Variants in LRP5 observed in about 807,000 individuals in gnomAD.
The protein encoded by LRP5 is low-density lipoprotein receptor-related protein 5.
In LRP5, 62 loss-of-function variants were observed where a neutral mutation model predicts 154.1. That is an observed-to-expected ratio of 0.40 (90% confidence interval 0.33 to 0.50). The LOEUF (loss-of-function observed/expected upper bound fraction) is 0.50, where lower values mean the gene tolerates loss of function less well. Among genes scored for constraint, LRP5 ranks in the 20% least tolerant of loss-of-function variants. The pLI is 0.55. For missense variants in LRP5, 1,915 were observed against 2,336.7 expected (o/e 0.82, Z 3.72); for synonymous variants, 966 against 1,011.5 (o/e 0.96, Z 0.85).
At chr11:68,321,389 A>G (rs1396977381) in intron 1 of LRP5, among the ~76,000 whole-genome samples, 1 of 152,162 alleles carries the variant, frequency 6.6e-6, no homozygotes, top group Non-Finnish European at 1.5e-5. Context: ...TTTTGTGGTG[A>G]ACTTCAGAGC....
At chr11:68,343,126 T>G (rs1350153786) in intron 1 of LRP5, among the ~76,000 whole-genome samples, 3 of 152,246 alleles carry the variant, frequency 2.0e-5, no homozygotes, top group Non-Finnish European at 4.4e-5. Context: ...GGCCAGCGTC[T>G]GCCTGGTGAG....
At chr11:68,358,573 C>T (rs80280044) in intron 3 of LRP5, among the ~76,000 whole-genome samples, 5,028 of 152,286 alleles carry the variant, frequency 0.033, 308 homozygotes, top group African/African-American at 0.12. Context: ...TATCCCAGCT[C>T]AGGCATCCTG....
chr11:68,372,798 A>G (rs1373215546), intron 5 of LRP5, among the ~76,000 whole-genome samples: 1 of 151,678 alleles, frequency 6.6e-6, no homozygotes, highest in East Asian at 1.9e-4. Context: ...GTGAAGGGGC[A>G]GTGGGGAGCA....
chr11:68,350,047 C>T lies in LRP5; in HGVS notation c.488+1804C>T, dbSNP rs568877330. On this transcript the variant is annotated intron_variant, in intron 2 of 22. Transcript: ENST00000294304. ...CACCACAGTCTCTCAGCACTCCCAG[C>T]CTGGACCTCACCGGTTGAGGGGCCG... Among the ~76,000 whole-genome samples the T allele has an allele frequency of 2.6e-5, 4 of 152,300 alleles. No homozygotes were observed. The East Asian group carries it at 7.7e-4, about 29-fold the overall frequency.
At chr11:68,351,604 C>T (rs1251459808) in intron 2 of LRP5, among the ~76,000 whole-genome samples, 1 of 152,188 alleles carries the variant, frequency 6.6e-6, no homozygotes, top group Non-Finnish European at 1.5e-5. Flanking sequence ...TCCCTCCCAG[C>T]GTGGGTCGCT....
intron 5 of LRP5, among the ~76,000 whole-genome samples, chr11:68,366,455 C>T (rs1812820211): frequency 2.6e-5 from 4 of 152,094 alleles, no homozygotes; most frequent in Admixed American, 2.0e-4. Context: ...GCTGTCTGAG[C>T]ACATGGGGGT....
Position 68,348,094 on chromosome 11 carries a change from C to G in LRP5, c.339C>G (p.Leu113=). The change falls in exon 2 of 23, where the codon CTC becomes CTG. Residue 113 remains leucine (L), a synonymous_variant. Transcript: ENST00000294304. ...VISGLVSPDG[L]ACDWVGKKLY... ...CCGGCCTGGTCTCTCCCGACGGCCT[C>G]GCCTGCGACTGGGTGGGCAAGAAGC... 15 of 1,614,128 alleles carry G rather than the reference C, an allele frequency of 9.3e-6. No homozygotes were observed. Among genetic ancestry groups the G allele is most frequent in the Non-Finnish European group, 1.2e-5 (14 of 1,180,040 alleles).
the LRP5 span, among the ~76,000 whole-genome samples, chr11:68,300,359 T>C: frequency 3.3e-5 from 5 of 149,382 alleles, no homozygotes; most frequent in Non-Finnish European, 7.5e-5. Flanking sequence ...ACTTCCTCGC[T>C]GCATGACCCT....
At chr11:68,407,231 T>A (rs1209397689) in intron 9 of LRP5, among the ~76,000 whole-genome samples, 3 of 151,402 alleles carry the variant, frequency 2.0e-5, no homozygotes. Flanking sequence ...TACCGTAGCG[T>A]GAGCTCAGCT....
chr11:68,397,174 C>T (rs1258374969), intron 7 of LRP5, among the ~76,000 whole-genome samples: 1 of 152,158 alleles, frequency 6.6e-6, no homozygotes, highest in Non-Finnish European at 1.5e-5. Context: ...TCTTGCCTCC[C>T]CGCCCACCTG....
intron 9 of LRP5, among the ~76,000 whole-genome samples, chr11:68,409,073 A>AAAAAT (rs2098657548): frequency 2.3e-5 from 1 of 44,180 alleles, no homozygotes; most frequent in African/African-American, 1.3e-4. Flanking sequence ...AAAAAAAAAA[A>AAAAAT]ATATATATAT....
chr11:68,304,287 T>C, the LRP5 span, among the ~76,000 whole-genome samples: 2 of 152,242 alleles, frequency 1.3e-5, no homozygotes, highest in Non-Finnish European at 2.9e-5. Flanking sequence ...AGGCTGCTGC[T>C]TCAGAGGGTT....
intron 21 of LRP5, chr11:68,445,552 T>C (rs1333056799): frequency 5.4e-5 from 70 of 1,287,768 alleles, no homozygotes; most frequent in Non-Finnish European, 7.0e-5. Context: ...AACTGACAGT[T>C]CTGTTCCCAT....
chr11:68,307,105 C>A, the LRP5 span, among the ~76,000 whole-genome samples: 1 of 152,162 alleles, frequency 6.6e-6, no homozygotes, highest in Non-Finnish European at 1.5e-5. Context: ...TTGCTTGAAC[C>A]CGGGAGGTGG....
At chr11:68,354,914 C>T (rs940928083) in intron 2 of LRP5, among the ~76,000 whole-genome samples, 3 of 152,240 alleles carry the variant, frequency 2.0e-5, no homozygotes, top group African/African-American at 7.2e-5. Flanking sequence ...ACCCCTCTTA[C>T]CCTGTCCCCA....
At chr11:68,352,342 G>C (rs1425745583) in intron 2 of LRP5, among the ~76,000 whole-genome samples, 1 of 152,218 alleles carries the variant, frequency 6.6e-6, no homozygotes. Context: ...TCTGTACAGA[G>C]GCGTGACCAT....
the LRP5 span, among the ~76,000 whole-genome samples, chr11:68,304,485 C>T: frequency 1.3e-5 from 2 of 152,212 alleles, no homozygotes; most frequent in Non-Finnish European, 2.9e-5. Flanking sequence ...GGTTGGAGGC[C>T]CCACATAGAG....
intron 5 of LRP5, among the ~76,000 whole-genome samples, chr11:68,380,190 G>A (rs1447405764): frequency 6.6e-6 from 1 of 152,244 alleles, no homozygotes; most frequent in Non-Finnish European, 1.5e-5. Context: ...GGGGCCAGAT[G>A]GCTCACCATC....
chr11:68,435,237 G>A (rs1565113352), intron 18 of LRP5, among the ~76,000 whole-genome samples: 1 of 152,236 alleles, frequency 6.6e-6, no homozygotes, highest in Admixed American at 6.5e-5. Context: ...CTGTGTGTGT[G>A]ATTTCAGCTT....
Sources: allele counts gnomAD v4.1 joint callset (sites outside exome capture counted in the v4.1 genomes callset), GRCh38; gene constraint gnomAD v4.1.1; transcripts MANE v1.5; gene names NCBI Gene and HGNC (gene_info 2026-07-23, HGNC 2026-07-21).